ZFAT: variants seen among roughly 807,000 people sequenced by gnomAD.
ZFAT encodes zinc finger protein ZFAT.
In ZFAT, 64 loss-of-function variants were observed where a neutral mutation model predicts 117.7. The ratio of observed to expected loss-of-function variants is 0.54; its 90% CI spans 0.44 to 0.67. ZFAT has a LOEUF of 0.67. Among genes scored for constraint, ZFAT ranks in the 30% least tolerant of loss-of-function variants. The pLI is 0.00. For missense variants in ZFAT, 1,433 were observed against 1,584.5 expected (o/e 0.90, Z 1.62); for synonymous variants, 679 against 615.0 (o/e 1.10, Z -1.54).
intron 1 of ZFAT, among the ~76,000 whole-genome samples, chr8:134,676,536 A>G (rs1361805990): frequency 6.6e-6 from 1 of 152,188 alleles, no homozygotes; most frequent in Non-Finnish European, 1.5e-5. Context: ...AGACAGATCA[A>G]TGAGATGGAA....
intron 11 of ZFAT, among the ~76,000 whole-genome samples, chr8:134,555,308 A>G (rs1823490432): frequency 6.6e-6 from 1 of 152,142 alleles, no homozygotes; most frequent in Non-Finnish European, 1.5e-5. Flanking sequence ...CCTAGCATGT[A>G]CCAAAATTCC....
chr8:134,816,591 A>T, the ZFAT span, among the ~76,000 whole-genome samples: 1 of 152,358 alleles, frequency 6.6e-6, no homozygotes, highest in Non-Finnish European at 1.5e-5. Flanking sequence ...ATTTCAAATG[A>T]AAAGGCTGCT....
intron 14 of ZFAT, among the ~76,000 whole-genome samples, chr8:134,511,488 T>C (rs546714249): frequency 2.2e-4 from 34 of 152,338 alleles, no homozygotes; most frequent in Non-Finnish European, 1.5e-4. Context: ...TCCATTAATC[T>C]TCCCTAAACC....
chr8:134,768,526 C>T, the ZFAT span, among the ~76,000 whole-genome samples: 5 of 152,142 alleles, frequency 3.3e-5, no homozygotes, highest in Admixed American at 2.6e-4. Flanking sequence ...GGGGAAGCCT[C>T]GCAATCATGG....
chr8:134,679,199 C>T (rs973624414), intron 1 of ZFAT, among the ~76,000 whole-genome samples: 6 of 151,992 alleles, frequency 3.9e-5, no homozygotes, highest in Non-Finnish European at 7.4e-5. Flanking sequence ...TCCGAAAAAG[C>T]GCTAATATCC....
intron 14 of ZFAT, among the ~76,000 whole-genome samples, chr8:134,511,725 C>T (rs920237205): frequency 1.3e-5 from 2 of 152,168 alleles, no homozygotes; most frequent in African/African-American, 4.8e-5. Context: ...AAAAGAGCAT[C>T]AAGAAAAACT....
intron 3 of ZFAT, among the ~76,000 whole-genome samples, chr8:134,629,380 T>A (rs1360903571): frequency 6.6e-6 from 1 of 151,828 alleles, no homozygotes; most frequent in South Asian, 2.1e-4. Flanking sequence ...CTAGTGACGG[T>A]CACCAAGCAT....
At chr8:134,637,932 C>A (rs1045703877) in intron 2 of ZFAT, among the ~76,000 whole-genome samples, 1 of 152,186 alleles carries the variant, frequency 6.6e-6, no homozygotes, top group African/African-American at 2.4e-5. Context: ...TGTTCTGATT[C>A]AAGACCATCA....
At chr8:134,717,908 T>G (rs1814230077), upstream of ZFAT, among the ~76,000 whole-genome samples, 1 of 152,152 alleles carries the variant, frequency 6.6e-6, no homozygotes, top group African/African-American at 2.4e-5. Context: ...TTGGCCAGGC[T>G]GGTCTTGAAC....
chr8:134,515,483 CTTTTTAATGATCACCAT>C, intron 13 of ZFAT, among the ~76,000 whole-genome samples: 1 of 152,186 alleles, frequency 6.6e-6, no homozygotes, highest in East Asian at 1.9e-4. Context: ...TGTTTCCTGA[CTTTTTAATGATCACCAT>C]TCTAACTGGC....
chr8:134,630,998 G>A (rs1213176667), intron 3 of ZFAT, among the ~76,000 whole-genome samples: 1 of 152,200 alleles, frequency 6.6e-6, no homozygotes, highest in Non-Finnish European at 1.5e-5. Context: ...CAATCACATG[G>A]ATGCCAGCCA....
intron 11 of ZFAT, among the ~76,000 whole-genome samples, chr8:134,542,220 G>A (rs1285421536): frequency 6.6e-6 from 1 of 152,156 alleles, no homozygotes; most frequent in Non-Finnish European, 1.5e-5. Flanking sequence ...GCTGTGTCCT[G>A]GACCAAAGTC....
chr8:134,506,735 G>C (rs144250463), intron 15 of ZFAT, among the ~76,000 whole-genome samples: 4 of 152,288 alleles, frequency 2.6e-5, no homozygotes, highest in Admixed American at 2.6e-4. Flanking sequence ...ATTTGTTTAT[G>C]AGAAATAAAT....
intron 7 of ZFAT, among the ~76,000 whole-genome samples, chr8:134,595,432 C>A (rs979996083): frequency 2.6e-5 from 4 of 151,960 alleles, no homozygotes; most frequent in African/African-American, 4.8e-5. Flanking sequence ...CCCAAAGAGG[C>A]AGAGGAAAGT....
At chr8:134,636,650 C>T (rs1443710815) in intron 3 of ZFAT, among the ~76,000 whole-genome samples, 1 of 152,190 alleles carries the variant, frequency 6.6e-6, no homozygotes, top group East Asian at 1.9e-4. Context: ...AGAACTTAAA[C>T]ATGGGGTACA....
At chr8:134,737,505 C>A in the ZFAT span, among the ~76,000 whole-genome samples, 1 of 151,876 alleles carries the variant, frequency 6.6e-6, no homozygotes, top group African/African-American at 2.4e-5. Context: ...GCTGGGAGGA[C>A]AAAGTTCAAG....
intron 1 of ZFAT, among the ~76,000 whole-genome samples, chr8:134,681,200 G>A (rs1214406348): frequency 2.6e-5 from 4 of 152,174 alleles, no homozygotes; most frequent in South Asian, 2.1e-4. Context: ...CTGAAAGGCT[G>A]GCTATGGACC....
intron 3 of ZFAT, among the ~76,000 whole-genome samples, chr8:134,615,974 C>T (rs537222617): frequency 1.6e-4 from 24 of 152,310 alleles, no homozygotes; most frequent in Admixed American, 1.5e-3. Flanking sequence ...GAGGCAAATG[C>T]CAGGTGCATT....
At chr8:134,630,063 A>G (rs757704761) in intron 3 of ZFAT, among the ~76,000 whole-genome samples, 6 of 152,216 alleles carry the variant, frequency 3.9e-5, no homozygotes, top group Non-Finnish European at 8.8e-5. Flanking sequence ...CACTCAGGGT[A>G]GCTCTGCTAT....
Sources: gnomAD v4.1 joint callset for allele counts (sites outside exome capture counted in the v4.1 genomes callset) on GRCh38, gnomAD v4.1.1 for gene constraint, MANE v1.5 for transcripts, NCBI Gene and HGNC (gene_info 2026-07-23, HGNC 2026-07-21) for gene names.